Variants in PTBP3 observed in about 807,000 individuals in gnomAD.
PTBP3 encodes the protein polypyrimidine tract binding protein 3.
In PTBP3, 20 loss-of-function variants were observed where a neutral mutation model predicts 58.7. That is an observed-to-expected ratio of 0.34 (90% CI 0.24 to 0.50). PTBP3 has a LOEUF of 0.50. Among genes scored for constraint, PTBP3 ranks in the 20% least tolerant of loss-of-function variants. PTBP3 has a pLI of 0.98. For synonymous variants in PTBP3, 185 were observed against 219.8 expected (o/e 0.84, Z 1.40); for missense variants, 509 against 637.2 (o/e 0.80, Z 2.17).
chr9:112,355,906 C>G, the PTBP3 span, among the ~76,000 whole-genome samples: 9 of 152,152 alleles, frequency 5.9e-5, no homozygotes, highest in East Asian at 1.4e-3. Context: ...CAGGAGCCAC[C>G]ACACCCCACC....
At chr9:112,224,328 A>G in intron 12 of PTBP3, 118 bp from the exon 13 acceptor site, 1 of 589,308 alleles carries the variant, frequency 1.7e-6, no homozygotes, top group Non-Finnish European at 2.8e-6. Flanking sequence ...AAGCCATATG[A>G]CAAAGACTTG....
intron 4 of PTBP3, among the ~76,000 whole-genome samples, chr9:112,265,270 A>G (rs1219369711): frequency 6.6e-6 from 1 of 152,174 alleles, no homozygotes; most frequent in East Asian, 1.9e-4. Context: ...TGGGAGACAG[A>G]GGCGGGTGGA....
At chr9:112,241,085 A>T (rs1374426066) in intron 7 of PTBP3, among the ~76,000 whole-genome samples, 1 of 151,948 alleles carries the variant, frequency 6.6e-6, no homozygotes. Context: ...AGGTTATTTT[A>T]TTTATTTGTT....
At chr9:112,338,919 A>G in the PTBP3 span, among the ~76,000 whole-genome samples, 1 of 152,134 alleles carries the variant, frequency 6.6e-6, no homozygotes, top group Non-Finnish European at 1.5e-5. Context: ...ACTGTCCTAT[A>G]GTATAATTTG....
At chr9:112,362,484 G>A in the PTBP3 span, among the ~76,000 whole-genome samples, 1 of 151,992 alleles carries the variant, frequency 6.6e-6, no homozygotes, top group African/African-American at 2.4e-5. Flanking sequence ...ATAGTGTCCT[G>A]GGATGCACAA....
At chr9:112,354,988 T>A in the PTBP3 span, among the ~76,000 whole-genome samples, 1 of 152,174 alleles carries the variant, frequency 6.6e-6, no homozygotes, top group Non-Finnish European at 1.5e-5. Context: ...TGCCTGTCTT[T>A]GGGAGATGTG....
At chr9:112,284,559 G>A (rs1828023666) in intron 2 of PTBP3, among the ~76,000 whole-genome samples, 1 of 152,128 alleles carries the variant, frequency 6.6e-6, no homozygotes, top group African/African-American at 2.4e-5. Context: ...AGCCAAGCAT[G>A]GTGATGTGCA....
At chr9:112,268,598 G>C (rs1257744074) in intron 3 of PTBP3, among the ~76,000 whole-genome samples, 1 of 151,620 alleles carries the variant, frequency 6.6e-6, no homozygotes, top group Non-Finnish European at 1.5e-5. Context: ...TGGGGTGGGG[G>C]GGTGAGGGAG....
chr9:112,308,662 A>G (rs1296806519), intron 1 of PTBP3, among the ~76,000 whole-genome samples: 1 of 152,162 alleles, frequency 6.6e-6, no homozygotes, highest in African/African-American at 2.4e-5. Context: ...AGACTGTACC[A>G]CGGGTAAACA....
chr9:112,262,499 C>A lies in PTBP3; in HGVS notation c.452G>T (p.Ser151Ile), dbSNP rs74591590. 1.9e-6 allele frequency: 3 copies of A among 1,611,256 alleles called. No individual in the cohort carries two copies. In the East Asian group the frequency reaches 6.7e-5, roughly 36 times the overall value. ...TTCAATAATTATTCGAAGCACAGGG[C>A]TCTGCCCAGGTAGGACTGTGCCTTC... ...SNEGTVLPGQ[S>I]PVLRIIIENL... Residue 151 changes from serine to isoleucine, a missense_variant, in exon 5 of 14, where the codon AGC becomes ATC. Ser to Ile is a moderately radical substitution (Grantham distance 142). Coordinates refer to ENST00000374257, the MANE Select transcript of PTBP3 (RefSeq NM_001163788.4).
chr9:112,322,652 T>A (rs1830001988), intron 1 of PTBP3, among the ~76,000 whole-genome samples: 1 of 152,156 alleles, frequency 6.6e-6, no homozygotes, highest in Admixed American at 6.5e-5. Flanking sequence ...CAACAAAAAA[T>A]TACAAGGTGT....
chr9:112,321,354 C>T (rs1483048826), intron 1 of PTBP3, among the ~76,000 whole-genome samples: 1 of 151,596 alleles, frequency 6.6e-6, no homozygotes, highest in African/African-American at 2.4e-5. Context: ...CATGGTGAAA[C>T]CTTGTCTCTA....
chr9:112,315,037 T>C (rs949586583), intron 1 of PTBP3, among the ~76,000 whole-genome samples: 6 of 152,116 alleles, frequency 3.9e-5, no homozygotes, highest in African/African-American at 1.2e-4. Flanking sequence ...GTCACCGTGT[T>C]AGCCAGGATG....
At chr9:112,375,284 C>T in the PTBP3 span, among the ~76,000 whole-genome samples, 2 of 152,226 alleles carry the variant, frequency 1.3e-5, no homozygotes, top group African/African-American at 4.8e-5. Flanking sequence ...AAGTCCCTGA[C>T]CATCCAGCCA....
At chr9:112,267,997 TATC>T (rs1337431186) in intron 4 of PTBP3, 49 bp downstream of exon 4, 6 of 1,518,794 alleles carry the variant, frequency 4.0e-6, no homozygotes, top group Non-Finnish European at 5.4e-6. Context: ...GTATGTAAGT[TATC>T]ATACCATGTG....
chr9:112,277,857 T>A (rs2132213715), intron 2 of PTBP3, among the ~76,000 whole-genome samples: 1 of 151,730 alleles, frequency 6.6e-6, no homozygotes, highest in African/African-American at 2.4e-5. Flanking sequence ...CTGTCTCAAA[T>A]TTTGAGACTC....
chr9:112,374,396 C>T, the PTBP3 span, among the ~76,000 whole-genome samples: 5 of 152,158 alleles, frequency 3.3e-5, no homozygotes, highest in Admixed American at 2.0e-4. Flanking sequence ...TTGGGCGTTA[C>T]GGTAAGTAGT....
intron 1 of PTBP3, chr9:112,332,830 G>T (rs1313511316): frequency 6.2e-7 from 1 of 1,612,082 alleles, no homozygotes; most frequent in African/African-American, 1.3e-5. Flanking sequence ...GAAAGGTGAG[G>T]GGGAAGCGTC....
chr9:112,356,579 A>C, the PTBP3 span, among the ~76,000 whole-genome samples: 1 of 23,904 alleles, frequency 4.2e-5, no homozygotes, highest in South Asian at 2.2e-3. Context: ...AAAGCAACAG[A>C]GCAAAAAAAA....
Sources: allele counts gnomAD v4.1 joint callset (sites outside exome capture counted in the v4.1 genomes callset), GRCh38; gene constraint gnomAD v4.1.1; transcripts MANE v1.5; gene names NCBI Gene and HGNC (gene_info 2026-07-23, HGNC 2026-07-21).